PTPRG: variants seen among roughly 807,000 people sequenced by gnomAD.
PTPRG encodes protein tyrosine phosphatase receptor type G, also known as receptor-type tyrosine-protein phosphatase gamma.
Under a neutral mutation model 165.3 loss-of-function variants are expected in PTPRG, and 102 were observed. That is an observed-to-expected ratio of 0.62 (90% CI 0.53 to 0.73). PTPRG has a LOEUF of 0.73. Ranked by LOEUF, PTPRG falls within the 30% of genes least tolerant of loss-of-function variation. PTPRG has a pLI of 0.00. For missense variants in PTPRG, 1,866 were observed against 1,861.4 expected (o/e 1.00, Z -0.05); for synonymous variants, 675 against 669.5 (o/e 1.01, Z -0.13).
At chr3:61,831,137 A>G (rs1027233202) in intron 2 of PTPRG, among the ~76,000 whole-genome samples, 27 of 152,348 alleles carry the variant, frequency 1.8e-4, no homozygotes, top group African/African-American at 5.8e-4. Flanking sequence ...AATCTCACTG[A>G]TAAAAAGATA....
chr3:61,899,055 C>T (rs1161092906), intron 2 of PTPRG, among the ~76,000 whole-genome samples: 2 of 152,106 alleles, frequency 1.3e-5, no homozygotes, highest in Non-Finnish European at 2.9e-5. Flanking sequence ...ACTATAGGCA[C>T]ATTCCACCAT....
intron 25 of PTPRG, 117 bp from the exon 26 acceptor site, chr3:62,277,434 T>C: frequency 8.5e-7 from 1 of 1,175,008 alleles, no homozygotes; most frequent in Non-Finnish European, 1.2e-6. Context: ...AATGCCTTTC[T>C]CAATTATTTT....
At chr3:62,077,465 G>A (rs920759384) in intron 4 of PTPRG, among the ~76,000 whole-genome samples, 1 of 151,954 alleles carries the variant, frequency 6.6e-6, no homozygotes, top group African/African-American at 2.4e-5. Flanking sequence ...TTTTTTTACA[G>A]GGCTTGTTAA....
chr3:61,783,480 A>G (rs138172698), intron 2 of PTPRG, among the ~76,000 whole-genome samples: 1 of 152,354 alleles, frequency 6.6e-6, no homozygotes, highest in Admixed American at 6.5e-5. Context: ...GATAACTACA[A>G]TAATGCAGAA....
In PTPRG at chr3:62,214,561, C is replaced by T. The variant is rs999405266; in HGVS notation, c.2156-4290C>T. 6.6e-6 allele frequency among the ~76,000 whole-genome samples: 1 copy of T among 152,160 alleles called. No homozygotes were observed. Among genetic ancestry groups the T allele is most frequent in the Non-Finnish European group, 1.5e-5 (1 of 68,032 alleles). On this transcript the variant is annotated intron_variant, in intron 12 of 29. Coordinates refer to ENST00000474889, the MANE Select transcript of PTPRG (RefSeq NM_002841.4). The surrounding 1 kb of genome is among the most constrained non-coding windows in gnomAD (Gnocchi z 5.2). ...GAGGCAGAGCTTTGTAACTGTTCTTCCATACACAGACGGAAATCAGCCCTG... is the reference window on the plus strand; with the variant it reads ...GAGGCAGAGCTTTGTAACTGTTCTTTCATACACAGACGGAAATCAGCCCTG...
chr3:62,025,452 G>A (rs1306481872), intron 4 of PTPRG, among the ~76,000 whole-genome samples: 1 of 151,848 alleles, frequency 6.6e-6, no homozygotes, highest in South Asian at 2.1e-4. Flanking sequence ...TTTTTCTTCA[G>A]TTTTTTTGAT....
At chr3:61,723,916 A>C (rs892230855) in intron 1 of PTPRG, among the ~76,000 whole-genome samples, 1 of 152,200 alleles carries the variant, frequency 6.6e-6, no homozygotes, top group Non-Finnish European at 1.5e-5. Flanking sequence ...AATCTGTCTT[A>C]CATCTCTCTC....
chr3:61,911,966 C>T (rs1413492913), intron 2 of PTPRG, among the ~76,000 whole-genome samples: 2 of 152,150 alleles, frequency 1.3e-5, no homozygotes, highest in Non-Finnish European at 2.9e-5. Context: ...GTATTTTTCA[C>T]CAGGATGATT....
At chr3:62,123,770 G>A (rs1025120142) in intron 5 of PTPRG, among the ~76,000 whole-genome samples, 5 of 151,816 alleles carry the variant, frequency 3.3e-5, no homozygotes, top group East Asian at 1.9e-4. Context: ...ATATATACAC[G>A]GCATTCAGTA....
intron 12 of PTPRG, among the ~76,000 whole-genome samples, chr3:62,218,105 G>A (rs1434114945): frequency 6.6e-6 from 1 of 152,156 alleles, no homozygotes; most frequent in Non-Finnish European, 1.5e-5. Flanking sequence ...GGATCTGGGT[G>A]GTAGGAGCCC....
At chr3:61,883,410 CTT>C (rs1025119548) in intron 2 of PTPRG, among the ~76,000 whole-genome samples, 5 of 152,106 alleles carry the variant, frequency 3.3e-5, no homozygotes. Flanking sequence ...CCTCCAGAAA[CTT>C]TTCCTGGATT....
chr3:61,643,595 A>G (rs1051604441), intron 1 of PTPRG, among the ~76,000 whole-genome samples: 2 of 152,164 alleles, frequency 1.3e-5, no homozygotes, highest in Non-Finnish European at 2.9e-5. Flanking sequence ...CCTGGCCAAC[A>G]TGATGAAACC....
intron 12 of PTPRG, among the ~76,000 whole-genome samples, chr3:62,216,635 G>A (rs1192000944): frequency 6.6e-6 from 1 of 151,718 alleles, no homozygotes; most frequent in African/African-American, 2.4e-5. Context: ...GGTTCCTCTG[G>A]CCAGCCACCA....
intron 1 of PTPRG, among the ~76,000 whole-genome samples, chr3:61,690,408 T>C (rs991319344): frequency 1.3e-5 from 2 of 152,194 alleles, no homozygotes; most frequent in Admixed American, 1.3e-4. Context: ...TGATGCTTGA[T>C]AGGGACGTAT....
chr3:61,696,125 A>G (rs2030572930), intron 1 of PTPRG, among the ~76,000 whole-genome samples: 1 of 152,198 alleles, frequency 6.6e-6, no homozygotes, highest in Non-Finnish European at 1.5e-5. Context: ...ATGCACTTGT[A>G]GTACCCCAAA....
At chr3:61,907,943 G>C (rs1243560182) in intron 2 of PTPRG, among the ~76,000 whole-genome samples, 2 of 140,204 alleles carry the variant, frequency 1.4e-5, no homozygotes, top group Admixed American at 7.0e-5. Context: ...AACATAGCGA[G>C]ACCCCCGTCT....
At chr3:62,019,316 G>A (rs2041626646) in intron 4 of PTPRG, among the ~76,000 whole-genome samples, 1 of 152,124 alleles carries the variant, frequency 6.6e-6, no homozygotes, top group Non-Finnish European at 1.5e-5. Flanking sequence ...GAGCTCAGGA[G>A]TTTGAGACCA....
At position 61,594,949 on chromosome 3, in the gene PTPRG, AT is replaced by A. The variant is rs146951544; in HGVS notation, c.85+32587del. Among the ~76,000 whole-genome samples, 207 of 151,078 alleles carry A rather than the reference AT, an allele frequency of 1.4e-3. 1 individual carries two copies. Among genetic ancestry groups the A allele is most frequent in the African/African-American group, 4.6e-3 (190 of 41,174 alleles). ...GGGAATTGTTACAATTAGTGCACTGATTTTTTTTTTCTTTTAACCATTCCTT... is the reference window on the plus strand; with the variant it reads ...GGGAATTGTTACAATTAGTGCACTGATTTTTTTTTCTTTTAACCATTCCTT... On this transcript the variant is annotated intron_variant, in intron 1 of 29. Coordinates refer to ENST00000474889, the MANE Select transcript of PTPRG (RefSeq NM_002841.4).
intron 1 of PTPRG, among the ~76,000 whole-genome samples, chr3:61,729,706 G>C (rs1002042693): frequency 6.6e-6 from 1 of 152,158 alleles, no homozygotes; most frequent in African/African-American, 2.4e-5. Flanking sequence ...CATGAGCCTA[G>C]TGATTGTTAG....
Sources: gnomAD v4.1 joint callset for allele counts (sites outside exome capture counted in the v4.1 genomes callset) on GRCh38, gnomAD v4.1.1 for gene constraint, Gnocchi (gnomAD v3.1) non-coding constraint, MANE v1.5 for transcripts, NCBI Gene and HGNC (gene_info 2026-07-23, HGNC 2026-07-21) for gene names.